COBL: variants seen among roughly 807,000 people sequenced by gnomAD.
COBL encodes the protein cordon-bleu WH2 repeat protein.
In COBL, 51 loss-of-function variants were observed where a neutral mutation model predicts 98.8. That is an observed-to-expected ratio of 0.52 (90% confidence interval 0.41 to 0.65). COBL has a LOEUF of 0.65. COBL is among the 30% of genes least tolerant of loss of function. COBL has a pLI of 0.00. For missense variants in COBL, 1,617 were observed against 1,617.5 expected (o/e 1.00, Z 0.01); for synonymous variants, 634 against 651.7 (o/e 0.97, Z 0.41).
intron 6 of COBL, among the ~76,000 whole-genome samples, chr7:51,119,275 A>G (rs1304216046): frequency 6.6e-6 from 1 of 152,202 alleles, no homozygotes; most frequent in Non-Finnish European, 1.5e-5. Flanking sequence ...TCCTAGTGAT[A>G]TATATGGCGA....
At chr7:51,193,040 A>T (rs866933240) in intron 3 of COBL, among the ~76,000 whole-genome samples, 51 of 151,242 alleles carry the variant, frequency 3.4e-4, no homozygotes, top group African/African-American at 9.1e-4. Context: ...CCAAATTTTT[A>T]AAAAAGCTGC....
chr7:51,267,986 G>A (rs1798379943), intron 1 of COBL, among the ~76,000 whole-genome samples: 1 of 152,148 alleles, frequency 6.6e-6, no homozygotes, highest in African/African-American at 2.4e-5. Flanking sequence ...CTCCACTTTT[G>A]AGACCACGGC....
At chr7:51,315,680 G>GC (rs1226788017) in intron 1 of COBL, among the ~76,000 whole-genome samples, 3 of 152,220 alleles carry the variant, frequency 2.0e-5, no homozygotes, top group Non-Finnish European at 4.4e-5. Context: ...CCGGGACTGC[G>GC]CGCTACCCCG....
chr7:51,098,790 A>G (rs2128959919), intron 6 of COBL, among the ~76,000 whole-genome samples: 1 of 152,334 alleles, frequency 6.6e-6, no homozygotes, highest in Non-Finnish European at 1.5e-5. Flanking sequence ...CTATTGTGCA[A>G]CAAAGGAAAC....
rs753728617 is a variant in COBL at position 51,028,209 on chromosome 7, T to C, written c.2887A>G (p.Thr963Ala). 5 of 1,614,034 alleles carry C rather than the reference T, an allele frequency of 3.1e-6. No individual in the cohort carries two copies. The highest frequency in any genetic ancestry group is 4.2e-6 in the Non-Finnish European group (5 of 1,180,004). Residue 963 changes from threonine (T) to alanine (A), a missense_variant, in exon 10 of 13, where the codon ACT (threonine) becomes GCT (alanine). Transcript: ENST00000265136. ...TGGATAGCAGCAGGTCTGTCCTGAGTAGACAACTTCCTGTGTGGGCCAATG... is the reference window on the plus strand; with the variant it reads ...TGGATAGCAGCAGGTCTGTCCTGAGCAGACAACTTCCTGTGTGGGCCAATG... Reference protein sequence around the residue: ...EVIGPHRKLSTQDRPAAIHRS... With the variant: ...EVIGPHRKLSAQDRPAAIHRS...
chr7:51,299,007 T>C (rs1193936550), intron 1 of COBL, among the ~76,000 whole-genome samples: 1 of 152,118 alleles, frequency 6.6e-6, no homozygotes, highest in African/African-American at 2.4e-5. Context: ...GGAGGCAACA[T>C]CTGAACAGCT....
chr7:51,114,578 C>G (rs937101331), intron 6 of COBL, among the ~76,000 whole-genome samples: 3 of 152,144 alleles, frequency 2.0e-5, no homozygotes, highest in Non-Finnish European at 4.4e-5. Flanking sequence ...AGTTTTCTTA[C>G]AGAAATGATG....
At chr7:51,182,578 G>T (rs555543409) in intron 5 of COBL, among the ~76,000 whole-genome samples, 2 of 151,748 alleles carry the variant, frequency 1.3e-5, no homozygotes, top group Admixed American at 1.3e-4. Flanking sequence ...CACCGCGCCC[G>T]GCCACAAAAT....
At position 51,026,552 on chromosome 7, in the gene COBL, C is replaced by T. The variant is rs1283832110; in HGVS notation, c.3498G>A (p.Leu1166=). ...AAGGCCCTTCACCTCTTACCTTCCT[C>T]AGGCTGCAGGTGCCGCTGTGCCCGC... is the stretch of plus-strand genomic sequence containing the variant. ...AIRGHSGTCS[L]RKVASSASEE... The change falls in exon 11 of 13, where the codon CTG becomes CTA. Residue 1166 remains leucine (L), a synonymous_variant. Coordinates refer to ENST00000265136, the MANE Select transcript of COBL (RefSeq NM_015198.5). 6.2e-7 allele frequency: 1 copy of T among 1,613,976 alleles called. No individual in the cohort carries two copies. Among genetic ancestry groups the T allele is most frequent in the East Asian group, 2.2e-5 (1 of 44,890 alleles).
Position 51,203,237 on chromosome 7 carries a change from C to T in COBL, c.246-9648G>A, listed in dbSNP as rs910170338. On this transcript the variant is annotated intron_variant, in intron 2 of 12. Coordinates refer to ENST00000265136, the MANE Select transcript of COBL (RefSeq NM_015198.5). ...AAAACTCTTGGGAGGCCGAGGCGGG[C>T]GGATCACGAGGTCAGGAGATCGAGA... Among the ~76,000 whole-genome samples the T allele has an allele frequency of 3.5e-5, 4 of 115,834 alleles. 1 individual carries two copies. Among genetic ancestry groups the T allele is most frequent in the Non-Finnish European group, 6.9e-5 (4 of 57,910 alleles). The allele number at this position is 115,834 out of a possible 152,430, so 76.0% of individuals were successfully genotyped here.
intron 6 of COBL, among the ~76,000 whole-genome samples, chr7:51,130,257 G>A (rs536578952): frequency 2.6e-5 from 4 of 152,208 alleles, no homozygotes; most frequent in Admixed American, 1.3e-4. Flanking sequence ...CCTTCCTTCC[G>A]AACAAAGCAC....
chr7:51,077,743 C>T lies in COBL; in HGVS notation c.1096+7423G>A, dbSNP rs1793230608. Among the ~76,000 whole-genome samples, 3 of 152,326 alleles carry T rather than the reference C, an allele frequency of 2.0e-5. No individual in the cohort carries two copies. In the South Asian group the frequency reaches 6.2e-4, roughly 32 times the overall value. On this transcript the variant is annotated intron_variant, in intron 7 of 12. Coordinates refer to ENST00000265136, the MANE Select transcript of COBL (RefSeq NM_015198.5). ...CTGAACGCTGAATAGGCATATTCTA[C>T]TGCTAGGAGCATTTCTAATAGTTCC...
At chr7:51,190,562 T>C (rs1234643392) in intron 4 of COBL, among the ~76,000 whole-genome samples, 2 of 152,212 alleles carry the variant, frequency 1.3e-5, no homozygotes, top group African/African-American at 2.4e-5. Context: ...GCATAAGCTC[T>C]AATCTCACCT....
intron 1 of COBL, among the ~76,000 whole-genome samples, chr7:51,288,010 C>T (rs1800532599): frequency 6.6e-6 from 1 of 152,034 alleles, no homozygotes. Context: ...AGGAAGAGAA[C>T]AAAAGAAAAT....
chr7:51,090,261 T>G (rs1415564049), intron 6 of COBL, among the ~76,000 whole-genome samples: 2 of 152,168 alleles, frequency 1.3e-5, no homozygotes, highest in Non-Finnish European at 2.9e-5. Context: ...AACAGCAATT[T>G]GTAATCCAGA....
intron 8 of COBL, 138 bp from the exon 9 acceptor site, chr7:51,031,047 T>G (rs1235135533): frequency 7.6e-6 from 5 of 660,084 alleles, no homozygotes; most frequent in Admixed American, 2.4e-5. Context: ...GCTGTTGTCC[T>G]CAGAACTACG....
intron 6 of COBL, among the ~76,000 whole-genome samples, chr7:51,104,599 T>C (rs936411764): frequency 2.5e-4 from 38 of 152,196 alleles, no homozygotes; most frequent in African/African-American, 8.7e-4. Context: ...GTGCCCTCAC[T>C]GGTGGGCAGG....
chr7:51,316,668 GC>G lies in COBL; in HGVS notation c.-36del. Reference sequence around the variant, plus strand: ...GGCCGGGACGCGGGCGGTGCTCCGGGCCCGCCGAGTCAGGCGCTGGCTACCG... The same window carrying G: ...GGCCGGGACGCGGGCGGTGCTCCGGGCCGCCGAGTCAGGCGCTGGCTACCG... On this transcript the variant is annotated 5_prime_UTR_variant, in exon 1 of 13. Coordinates refer to ENST00000265136, the MANE Select transcript of COBL (RefSeq NM_015198.5). 8.4e-7 allele frequency: 1 copy of G among 1,189,736 alleles called. No homozygotes were observed. The allele number at this position is 1,189,736 out of a possible 1,614,324, so 73.7% of individuals were successfully genotyped here. A position where few individuals can be genotyped will look rare whatever the true frequency, so the allele number is the denominator to read the frequency against.
chr7:51,103,336 T>A (rs1407953032), intron 6 of COBL, among the ~76,000 whole-genome samples: 1 of 152,208 alleles, frequency 6.6e-6, no homozygotes, highest in Non-Finnish European at 1.5e-5. Context: ...ATCAATTTTT[T>A]TTCCTACTGT....
Sources: gnomAD v4.1 joint callset for allele counts (sites outside exome capture counted in the v4.1 genomes callset) on GRCh38, gnomAD v4.1.1 for gene constraint, MANE v1.5 for transcripts, NCBI Gene and HGNC (gene_info 2026-07-23, HGNC 2026-07-21) for gene names.